Variants in PTP4A2 observed in about 807,000 individuals in gnomAD.
PTP4A2 encodes protein tyrosine phosphatase 4A2.
A neutral mutation model predicts 22.9 loss-of-function variants in PTP4A2; 2 were observed. The observed-to-expected ratio is 0.09, with a 90% CI of 0.04 to 0.27. The LOEUF (loss-of-function observed/expected upper bound fraction) is 0.27. PTP4A2 is among the 10% of genes least tolerant of loss of function. PTP4A2 has a pLI of 1.00. For missense variants in PTP4A2, 103 were observed against 205.1 expected (o/e 0.50, Z 3.04); for synonymous variants, 68 against 69.1 (o/e 0.98, Z 0.08).
At chr1:31,921,257 A>C (rs1652140845) in intron 1 of PTP4A2, 1 of 152,230 alleles carries the variant, frequency 6.6e-6, no homozygotes, top group East Asian at 1.9e-4. Flanking sequence ...GACTTGCCTA[A>C]CATCACACAA....
chr1:31,921,909 A>T (rs559623869), intron 1 of PTP4A2: 1 of 152,340 alleles, frequency 6.6e-6, no homozygotes, highest in South Asian at 2.1e-4. Context: ...ACATAAAACT[A>T]AAATAATATA....
chr1:31,921,965 A>C (rs1237461463), intron 1 of PTP4A2: 6 of 152,230 alleles, frequency 3.9e-5, no homozygotes, highest in African/African-American at 1.4e-4. Context: ...AACTTCAATA[A>C]TACTACAGCA....
At chr1:31,933,652 G>A (rs1652821314) in intron 1 of PTP4A2, 2 of 152,344 alleles carry the variant, frequency 1.3e-5, no homozygotes, top group Non-Finnish European at 2.9e-5. Flanking sequence ...AAACCTAGGA[G>A]GTGGAGGCTG....
intron 1 of PTP4A2, among the ~76,000 whole-genome samples, chr1:31,923,128 CTTGAAG>C (rs1652271211): frequency 1.3e-5 from 2 of 151,824 alleles, no homozygotes; most frequent in South Asian, 4.2e-4. Flanking sequence ...CCAGGCTGGT[CTTGAAG>C]GCCTGACCTC....
chr1:31,929,441 TG>T (rs779861019), intron 1 of PTP4A2, among the ~76,000 whole-genome samples: 6 of 152,364 alleles, frequency 3.9e-5, no homozygotes, highest in Non-Finnish European at 5.9e-5. Context: ...AAAAGTATCA[TG>T]GCTATCTTTT....
intron 1 of PTP4A2, among the ~76,000 whole-genome samples, chr1:31,926,624 T>C (rs1478364285): frequency 6.6e-6 from 1 of 152,236 alleles, no homozygotes; most frequent in Non-Finnish European, 1.5e-5. Context: ...CCTGAAGAGC[T>C]AGGCATTTTC....
chr1:31,920,565 C>T (rs1221890909), intron 1 of PTP4A2, among the ~76,000 whole-genome samples: 11 of 141,416 alleles, frequency 7.8e-5, no homozygotes, highest in African/African-American at 1.3e-4. Context: ...TGAGACGGAG[C>T]CTTGCTCTGT....
chr1:31,913,282 T>TTTTCCAAGCCTTAAG (rs1651640592), intron 3 of PTP4A2, among the ~76,000 whole-genome samples: 1 of 152,234 alleles, frequency 6.6e-6, no homozygotes, highest in East Asian at 1.9e-4. Context: ...AAAATCTCTG[T>TTTTCCAAGCCTTAAG]CTGGGAAAAG....
rs1261385944 is a variant in PTP4A2, at chr1:31,906,757, C to CACACACACACACACAT, written c.*2094_*2095insATGTGTGTGTGTGTGT. On this transcript the variant is annotated 3_prime_UTR_variant, in exon 6 of 6. Transcript: ENST00000647444. ...GCGTGCACACACACACACACACATA[C>CACACACACACACACAT]ACACACACACACACACACACACACA... 2 of 25,376 alleles carry CACACACACACACACAT rather than the reference C, an allele frequency of 7.9e-5. No individual in the cohort carries two copies. Among genetic ancestry groups the CACACACACACACACAT allele is most frequent in the African/African-American group, 1.8e-4 (2 of 11,210 alleles). The allele number at this position is 25,376 out of a possible 1,614,324, so 1.6% of individuals were successfully genotyped here. A position where few individuals can be genotyped will look rare whatever the true frequency, so the allele number is the denominator to read the frequency against.
At chr1:31,926,149 A>AATATATATATATATATATATAT (rs1553212254) in intron 1 of PTP4A2, among the ~76,000 whole-genome samples, 1 of 131,334 alleles carries the variant, frequency 7.6e-6, no homozygotes, top group African/African-American at 2.8e-5. Flanking sequence ...AAAAAAAAAA[A>AATATATATATATATATATATAT]ATATATATAT....
At chr1:31,913,219 T>TA (rs1293346625) in intron 3 of PTP4A2, among the ~76,000 whole-genome samples, 2 of 152,208 alleles carry the variant, frequency 1.3e-5, no homozygotes, top group Non-Finnish European at 2.9e-5. Context: ...GATATCCTCT[T>TA]ACCATGAAAT....
At chr1:31,932,209 G>A (rs1311691477) in intron 1 of PTP4A2, among the ~76,000 whole-genome samples, 1 of 152,162 alleles carries the variant, frequency 6.6e-6, no homozygotes, top group Non-Finnish European at 1.5e-5. Context: ...AATATATCAT[G>A]TGTACATTTT....
chr1:31,921,125 A>G (rs1652133966), intron 1 of PTP4A2, among the ~76,000 whole-genome samples: 1 of 152,252 alleles, frequency 6.6e-6, no homozygotes, highest in Non-Finnish European at 1.5e-5. Context: ...CAGTGGACAT[A>G]ACCAACTTGT....
At chr1:31,910,200 C>T (rs1651459576) in intron 4 of PTP4A2, 88 bp from the exon 5 acceptor site, 12 of 938,554 alleles carry the variant, frequency 1.3e-5, no homozygotes, top group South Asian at 2.8e-5. Context: ...ACCAATGCAA[C>T]GCATGAGCTT....
chr1:31,914,743 GAAGA>G (rs1465091218), intron 3 of PTP4A2, among the ~76,000 whole-genome samples: 1 of 152,128 alleles, frequency 6.6e-6, no homozygotes, highest in East Asian at 1.9e-4. Flanking sequence ...ACTACTTAGG[GAAGA>G]AAGAATAAAA....
At chr1:31,937,435 G>T (rs1652984604) in intron 1 of PTP4A2, among the ~76,000 whole-genome samples, 1 of 151,540 alleles carries the variant, frequency 6.6e-6, no homozygotes, top group African/African-American at 2.4e-5. Flanking sequence ...AAGACCAAGG[G>T]GAAGGGCCTC....
intron 1 of PTP4A2, chr1:31,935,579 G>A (rs1557870185): frequency 6.6e-6 from 1 of 152,226 alleles, no homozygotes; most frequent in Non-Finnish European, 1.5e-5. Flanking sequence ...CCTGGGACAA[G>A]TTACTTAACC....
intron 1 of PTP4A2, chr1:31,931,132 G>A (rs542975656): frequency 3.3e-5 from 5 of 152,314 alleles, no homozygotes; most frequent in African/African-American, 1.2e-4. Flanking sequence ...ACACTATCCA[G>A]GATCAAGCTC....
At chr1:31,914,859 T>C (rs946095889) in intron 3 of PTP4A2, among the ~76,000 whole-genome samples, 1 of 152,176 alleles carries the variant, frequency 6.6e-6, no homozygotes. Flanking sequence ...TGTGCTCAAA[T>C]TGAGCTAGAC....
Sources: gnomAD v4.1 joint callset for allele counts (sites outside exome capture counted in the v4.1 genomes callset) on GRCh38, gnomAD v4.1.1 for gene constraint, MANE v1.5 for transcripts, NCBI Gene and HGNC (gene_info 2026-07-23, HGNC 2026-07-21) for gene names.